Variants in LTBP1 observed in about 807,000 individuals in gnomAD.
LTBP1 encodes the protein latent-transforming growth factor beta-binding protein 1.
Under a neutral mutation model 207.6 loss-of-function variants are expected in LTBP1, and 129 were observed. The observed-to-expected ratio is 0.62, with a 90% CI of 0.54 to 0.72. The LOEUF (loss-of-function observed/expected upper bound fraction) is 0.72, where lower values mean the gene tolerates loss of function less well. LTBP1 is among the 30% of genes least tolerant of loss of function. The probability of loss-of-function intolerance (pLI) is 0.00; values close to 1 mark genes in which losing one functional copy is unlikely to be tolerated. For synonymous variants in LTBP1, 963 were observed against 833.7 expected (o/e 1.16, Z -2.67); for missense variants, 2,281 against 2,217.2 (o/e 1.03, Z -0.58).
chr2:33,203,070 A>AGTCTGGTT (rs140768), intron 7 of LTBP1, among the ~76,000 whole-genome samples: 81,622 of 151,786 alleles, frequency 0.54, 22,096 homozygotes, highest in Middle Eastern at 0.6. Flanking sequence ...AGTGTTACTG[A>AGTCTGGTT]GTCTCTTGTG....
chr2:33,197,748 A>C (rs13387581), intron 7 of LTBP1, among the ~76,000 whole-genome samples: 8,209 of 152,202 alleles, frequency 0.054, 733 homozygotes, highest in African/African-American at 0.19. Context: ...TATGGGAAGC[A>C]TTTAGAATCA....
Position 33,347,356 on chromosome 2 carries a change from C to G in LTBP1, c.3857-11C>G, listed in dbSNP as rs377502218. 1 of 1,614,052 alleles carries G rather than the reference C, an allele frequency of 6.2e-7. No homozygotes were observed. The highest frequency in any genetic ancestry group is 1.3e-5 in the African/African-American group (1 of 75,020). ...GCACACATCTCACTTGGTCTGTGCT[C>G]CCTTTTCCAGATGTGAATGAATGTG... On this transcript the variant is annotated splice_polypyrimidine_tract_variant and intron_variant, in intron 25 of 33. Transcript: ENST00000404816.
rs2078468929 is a variant in LTBP1 at position 33,082,431 on chromosome 2, A to AATTTTTTTTTT, written c.864-28151_864-28150insATTTTTTTTTT. 1.7e-5 allele frequency among the ~76,000 whole-genome samples: 2 copies of AATTTTTTTTTT among 116,044 alleles called. 1 individual carries two copies. The highest frequency in any genetic ancestry group is 3.4e-5 in the Non-Finnish European group (2 of 58,288). The allele number at this position is 116,044 out of a possible 152,430, so 76.1% of individuals were successfully genotyped here. A position where few individuals can be genotyped will look rare whatever the true frequency, so the allele number is the denominator to read the frequency against. Reference sequence around the variant, plus strand: ...GTTAACCGTGGCTAAAGTATGACTCACTTTTTTTTTTTTTTTTTTTTTTTT... The same window carrying AATTTTTTTTTT: ...GTTAACCGTGGCTAAAGTATGACTCAATTTTTTTTTTCTTTTTTTTTTTTTTTTTTTTTTTT... On this transcript the variant is annotated intron_variant, in intron 3 of 33. Coordinates refer to ENST00000404816, the MANE Select transcript of LTBP1 (RefSeq NM_206943.4).
rs1380926571 is a variant in LTBP1, at chr2:32,949,081, A to T, written c.565+136A>T. 3.8e-6 allele frequency: 3 copies of T among 789,942 alleles called. No homozygotes were observed. In the South Asian group the frequency reaches 4.6e-5, roughly 12 times the overall value. 48.9% of individuals were successfully genotyped at this position (789,942 alleles called of 1,614,324 possible). ...CTGAAATACAATCCACCCAGGCTTC[A>T]TTACCACCTAGGAAGGGCTGGGTCA... On this transcript the variant is annotated intron_variant, in intron 2 of 33. Transcript: ENST00000404816.
rs116593781 is a variant in LTBP1 at position 32,978,127 on chromosome 2, G to A, written c.565+29182G>A. 5.2e-3 allele frequency among the ~76,000 whole-genome samples: 793 copies of A among 152,116 alleles called. 4 individuals are homozygous for A. The highest frequency in any genetic ancestry group is 0.017 in the African/African-American group (700 of 41,498). ...TAATAGTTTTTTGGTGGAGTTTTTAGGTTTTTCCAAAAATAAGATCATATC... is the reference window on the plus strand; with the variant it reads ...TAATAGTTTTTTGGTGGAGTTTTTAAGTTTTTCCAAAAATAAGATCATATC... On this transcript the variant is annotated intron_variant, in intron 2 of 33. Transcript: ENST00000404816.
At chr2:33,152,961 C>T (rs923705292) in intron 5 of LTBP1, among the ~76,000 whole-genome samples, 1 of 152,188 alleles carries the variant, frequency 6.6e-6, no homozygotes, top group African/African-American at 2.4e-5. Context: ...TAATTTCTTC[C>T]TCTCTAAAAG....
rs1160261155 is a variant in LTBP1, at chr2:32,999,895, C to T, written c.566-21014C>T. ...GAGAGATCGAGGGAGGCACAGACAA[C>T]AGCGTTGTGTGTGTTGGAGGGATGG... On this transcript the variant is annotated intron_variant, in intron 2 of 33. Transcript: ENST00000404816. 1.5e-5 allele frequency among the ~76,000 whole-genome samples: 2 copies of T among 133,808 alleles called. 1 individual carries two copies. Among genetic ancestry groups the T allele is most frequent in the African/African-American group, 5.2e-5 (2 of 38,374 alleles). The allele number at this position is 133,808 out of a possible 152,430, so 87.8% of individuals were successfully genotyped here.
intron 20 of LTBP1, among the ~76,000 whole-genome samples, chr2:33,294,104 C>T (rs1198573116): frequency 1.4e-5 from 2 of 140,356 alleles, no homozygotes; most frequent in Non-Finnish European, 3.0e-5. Flanking sequence ...CCTCCAAGTT[C>T]AAGTGATTCT....
Position 33,315,250 on chromosome 2 carries a change from A to G in LTBP1, c.3711A>G (p.Ala1237=). ...CVCQQGFSIS[A]DGRTCEDIDE... ...GCCAGCAGGGTTTCTCAATCTCTGC[A>G]GATGGCCGTACGTGTGAAGGTAAGA... Residue 1237 remains alanine, a synonymous_variant, in exon 24 of 34, where the codon GCA becomes GCG. Coordinates refer to ENST00000404816, the MANE Select transcript of LTBP1 (RefSeq NM_206943.4). The G allele has an allele frequency of 6.2e-7, 1 of 1,613,158 alleles. No homozygotes were observed. The highest frequency in any genetic ancestry group is 8.5e-7 in the Non-Finnish European group (1 of 1,179,824).
At chr2:33,291,082 C>T (rs1427637668) in intron 19 of LTBP1, among the ~76,000 whole-genome samples, 4 of 152,150 alleles carry the variant, frequency 2.6e-5, no homozygotes, top group African/African-American at 9.7e-5. Context: ...ACTGTTCTAT[C>T]TACGGTGATT....
At chr2:33,167,000 G>T (rs1384315674) in intron 5 of LTBP1, among the ~76,000 whole-genome samples, 1 of 151,968 alleles carries the variant, frequency 6.6e-6, no homozygotes, top group African/African-American at 2.4e-5. Context: ...ATGGTGTGCC[G>T]AATACTCCTG....
chr2:33,253,881 C>CTTTT (rs61042956), intron 11 of LTBP1, among the ~76,000 whole-genome samples: 3 of 101,682 alleles, frequency 3.0e-5, no homozygotes, highest in African/African-American at 4.5e-5. Context: ...ATCTGATGCA[C>CTTTT]TTTTTTTTTT....
chr2:32,958,410 T>C (rs943936663), intron 2 of LTBP1, among the ~76,000 whole-genome samples: 19 of 152,156 alleles, frequency 1.2e-4, no homozygotes, highest in Non-Finnish European at 2.6e-4. Flanking sequence ...CTAAGATCCT[T>C]GGGGGCTGAT....
In LTBP1 at chr2:33,280,631, C is replaced by T. The variant is rs114334024; in HGVS notation, c.3112+473C>T. On this transcript the variant is annotated intron_variant, in intron 19 of 33. Transcript: ENST00000404816. ...TACCCGTGCTGTAGTTAGCTCTGCC[C>T]CTTAATGGTTTTCATTTGTGTCTAC... Among the ~76,000 whole-genome samples, 1,208 of 152,278 alleles carry T rather than the reference C, an allele frequency of 7.9e-3. 25 individuals carry two copies. The highest frequency in any genetic ancestry group is 0.028 in the African/African-American group (1,153 of 41,544).
At chr2:33,053,605 G>A (rs1325990928) in intron 3 of LTBP1, among the ~76,000 whole-genome samples, 5 of 151,898 alleles carry the variant, frequency 3.3e-5, no homozygotes, top group Non-Finnish European at 2.9e-5. Context: ...TGCTGTATCC[G>A]GGGATCCATA....
chr2:33,274,678 G>A (rs960708475), intron 16 of LTBP1, among the ~76,000 whole-genome samples: 3 of 152,148 alleles, frequency 2.0e-5, no homozygotes, highest in Admixed American at 6.5e-5. Flanking sequence ...GATGTCTCTC[G>A]TTATCAGGAG....
intron 7 of LTBP1, among the ~76,000 whole-genome samples, chr2:33,190,932 A>G (rs1256610186): frequency 6.6e-6 from 1 of 152,184 alleles, no homozygotes; most frequent in Admixed American, 6.5e-5. Context: ...TTAAAAGTAA[A>G]GACAATGTTT....
intron 15 of LTBP1, among the ~76,000 whole-genome samples, chr2:33,267,506 T>A (rs2093213316): frequency 6.6e-6 from 1 of 152,222 alleles, no homozygotes; most frequent in Non-Finnish European, 1.5e-5. Flanking sequence ...TCTACCCACT[T>A]TATTGAGCAC....
rs186509996 is a variant in LTBP1 at position 33,385,617 on chromosome 2, T to C, written c.4712-3567T>C. Among the ~76,000 whole-genome samples the C allele has an allele frequency of 2.9e-3, 448 of 152,318 alleles. 2 individuals are homozygous for C. Among genetic ancestry groups the C allele is most frequent in the Middle Eastern group, 0.014 (4 of 294 alleles). ...GTGGAAACTGAGGCTTGCCCAAAAC[T>C]GCTAAGCTGGGAAGTAAGTGGTGCA... On this transcript the variant is annotated intron_variant, in intron 31 of 33. Coordinates refer to ENST00000404816, the MANE Select transcript of LTBP1 (RefSeq NM_206943.4).
Sources: gnomAD v4.1 joint callset for allele counts (sites outside exome capture counted in the v4.1 genomes callset) on GRCh38, gnomAD v4.1.1 for gene constraint, MANE v1.5 for transcripts, NCBI Gene and HGNC (gene_info 2026-07-23, HGNC 2026-07-21) for gene names.